HOXC4: variants seen among roughly 807,000 people sequenced by gnomAD.
HOXC4 encodes the protein homeobox C4.
A neutral mutation model predicts 25.5 loss-of-function variants in HOXC4; 15 were observed. The observed-to-expected ratio is 0.59, with a 90% CI of 0.39 to 0.91. The LOEUF is 0.91. Among genes scored for constraint, HOXC4 ranks in the 40% least tolerant of loss-of-function variants. The pLI is 0.00. For synonymous variants in HOXC4, 165 were observed against 148.0 expected, an observed-to-expected ratio of 1.11 and a Z score of -0.83; for missense variants, 342 against 352.4, an observed-to-expected ratio of 0.97 and a Z score of 0.24.
intron 1 of HOXC4, among the ~76,000 whole-genome samples, chr12:54,037,503 A>G: frequency 6.6e-6 from 1 of 152,188 alleles, no homozygotes; most frequent in Non-Finnish European, 1.5e-5. Flanking sequence ...GCCCACTCTG[A>G]GCAATTAGAG....
chr12:54,035,679 C>T (rs1380897531), intron 1 of HOXC4, among the ~76,000 whole-genome samples: 4 of 152,324 alleles, frequency 2.6e-5, no homozygotes, highest in African/African-American at 7.2e-5. Flanking sequence ...GCCAAAGCTG[C>T]GGTGCAGGAA....
At chr12:54,034,554 T>C in intron 1 of HOXC4, 1 of 1,388,176 alleles carries the variant, frequency 7.2e-7, no homozygotes, top group Non-Finnish European at 1.0e-6. Context: ...CGCCTTTCCT[T>C]TTCGCCTTTC....
chr12:54,043,946 GTGTGTGTGTGTGTGTGTGTGTT>G (rs1412770305), intron 1 of HOXC4, among the ~76,000 whole-genome samples: 4 of 140,324 alleles, frequency 2.9e-5, no homozygotes, highest in Admixed American at 2.8e-4. Context: ...GTGTGTGTGT[GTGTGTGTGTGTGTGTGTGTGTT>G]TAGGGAGTAG....
intron 1 of HOXC4, chr12:54,034,032 C>T (rs1439407423): frequency 8.7e-6 from 6 of 685,986 alleles, no homozygotes; most frequent in Middle Eastern, 2.4e-4. Flanking sequence ...TCTCCCTCTT[C>T]CCCCCAACCC....
chr12:54,024,384 C>T (rs1010643964), intron 1 of HOXC4, among the ~76,000 whole-genome samples: 7 of 151,132 alleles, frequency 4.6e-5, no homozygotes, highest in Admixed American at 2.0e-4. Flanking sequence ...GTAGTTGCAG[C>T]GCGGCAGTCA....
At chr12:54,048,971 TCAA>T (rs1364192192), upstream of HOXC4, among the ~76,000 whole-genome samples, 1 of 152,140 alleles carries the variant, frequency 6.6e-6, no homozygotes, top group Non-Finnish European at 1.5e-5. Context: ...ATCAGAATTT[TCAA>T]CAACAACAAT....
chr12:54,028,360 C>G (rs1484060250), intron 1 of HOXC4: 1 of 683,534 alleles, frequency 1.5e-6, no homozygotes, highest in African/African-American at 1.8e-5. Context: ...TTTCCCCCTT[C>G]CTGACATCTG....
At chr12:54,050,732 T>C (rs1207888169), upstream of HOXC4, among the ~76,000 whole-genome samples, 1 of 152,212 alleles carries the variant, frequency 6.6e-6, no homozygotes, top group East Asian at 1.9e-4. Flanking sequence ...TGTTGTTGTT[T>C]TGTAAATGAT....
chr12:54,027,831 T>C (rs551926154), intron 1 of HOXC4, among the ~76,000 whole-genome samples: 66 of 152,266 alleles, frequency 4.3e-4, no homozygotes, highest in South Asian at 8.3e-4. Context: ...ACATCCCTAC[T>C]ACATTCAAGA....
At chr12:54,034,077 C>T in intron 1 of HOXC4, 1 of 712,478 alleles carries the variant, frequency 1.4e-6, no homozygotes, top group South Asian at 1.5e-5. Context: ...GTGAAGGCTG[C>T]GGTGGAAAGT....
In HOXC4 at chr12:54,055,833, G is replaced by C. The variant is rs897967042; in HGVS notation, c.*628G>C. ...AGCCTCTCAGAGCTGTTCAGTTTGA[G>C]GAGCCAAAAGAAAATCAAAATGAAC... On this transcript the variant is annotated 3_prime_UTR_variant, in exon 2 of 2. Coordinates refer to ENST00000430889, the MANE Select transcript of HOXC4 (RefSeq NM_153633.3). 3.9e-5 allele frequency: 6 copies of C among 152,680 alleles called. No individual in the cohort carries two copies. The highest frequency in any genetic ancestry group is 1.4e-4 in the African/African-American group (6 of 41,554). 9.5% of individuals were successfully genotyped at this position (152,680 alleles called of 1,614,324 possible).
chr12:54,037,499 T>G (rs1941205806), intron 1 of HOXC4, among the ~76,000 whole-genome samples: 1 of 152,020 alleles, frequency 6.6e-6, no homozygotes, highest in African/African-American at 2.4e-5. Context: ...CACGGCCCAC[T>G]CTGAGCAATT....
chr12:54,038,626 C>T (rs961508968), intron 1 of HOXC4, among the ~76,000 whole-genome samples: 2 of 152,306 alleles, frequency 1.3e-5, no homozygotes, highest in East Asian at 1.9e-4. Flanking sequence ...TCTCAGCCTC[C>T]GTAGTTTGGC....
At chr12:54,034,269 A>G (rs766646903) in intron 1 of HOXC4, 29 of 1,611,890 alleles carry the variant, frequency 1.8e-5, no homozygotes, top group Non-Finnish European at 2.5e-5. Context: ...GGTGGGGTTT[A>G]TGTTCCAGAG....
At chr12:54,029,168 G>A (rs924424381) in intron 1 of HOXC4, among the ~76,000 whole-genome samples, 6 of 152,214 alleles carry the variant, frequency 3.9e-5, no homozygotes, top group African/African-American at 7.2e-5. Context: ...CAGGAACAGG[G>A]CAGGGGATGA....
At chr12:54,033,246 G>A in intron 1 of HOXC4, 1 of 1,614,154 alleles carries the variant, frequency 6.2e-7, no homozygotes, top group Non-Finnish European at 8.5e-7. Flanking sequence ...CTGCTACGGC[G>A]GATTGGACTT....
At chr12:54,037,302 A>G (rs1407081665) in intron 1 of HOXC4, among the ~76,000 whole-genome samples, 1 of 152,212 alleles carries the variant, frequency 6.6e-6, no homozygotes, top group African/African-American at 2.4e-5. Flanking sequence ...CCAGCCTCCT[A>G]GAACATATTT....
chr12:54,029,919 A>C, intron 1 of HOXC4: 2 of 1,605,380 alleles, frequency 1.2e-6, no homozygotes, highest in Non-Finnish European at 1.7e-6. Context: ...GGCGGAAAAG[A>C]GGAAAAGCGG....
Position 54,047,171 on chromosome 12 carries a change from G to A in HOXC4, c.-123-5989G>A, listed in dbSNP as rs999447991. Reference sequence around the variant, plus strand: ...TCGCGCTTCCTCCGGGCTTAATCCAGACCTTTCAACACACACCTCATTCGG... The same window carrying A: ...TCGCGCTTCCTCCGGGCTTAATCCAAACCTTTCAACACACACCTCATTCGG... On this transcript the variant is annotated intron_variant, in intron 1 of 3. Coordinates refer to the HOXC4 transcript ENST00000303406. 2.4e-3 allele frequency among the ~76,000 whole-genome samples: 371 copies of A among 152,358 alleles called. 5 individuals carry two copies. The highest frequency in any genetic ancestry group is 1.3e-3 in the Non-Finnish European group (89 of 68,036).
Sources: allele counts gnomAD v4.1 joint callset (sites outside exome capture counted in the v4.1 genomes callset), GRCh38; gene constraint gnomAD v4.1.1; transcripts MANE v1.5; gene names NCBI Gene and HGNC (gene_info 2026-07-23, HGNC 2026-07-21).